STK36: variants seen among roughly 807,000 people sequenced by gnomAD.
STK36 encodes the protein serine/threonine-protein kinase 36.
A neutral mutation model predicts 142.2 loss-of-function variants in STK36; 116 were observed. That is an observed-to-expected ratio of 0.82 (90% CI 0.70 to 0.95). STK36 has a LOEUF of 0.95. Among genes scored for constraint, STK36 ranks in the 40% least tolerant of loss-of-function variants. STK36 has a pLI of 0.00. For missense variants in STK36, 1,422 were observed against 1,617.2 expected (o/e 0.88, Z 2.07); for synonymous variants, 619 against 641.7 (o/e 0.96, Z 0.53).
intron 22 of STK36, 135 bp downstream of exon 22, chr2:218,696,736 A>C (rs867472863): frequency 1.9e-6 from 2 of 1,038,918 alleles, no homozygotes; most frequent in Admixed American, 1.7e-5. Context: ...ATAGCCTTGG[A>C]ACTTCCCCGC....
At chr2:218,696,496 C>A in intron 21 of STK36, 31 bp from the exon 22 acceptor site, 1 of 1,602,990 alleles carries the variant, frequency 6.2e-7, no homozygotes, top group Non-Finnish European at 8.5e-7. Flanking sequence ...TCCTCTTAGG[C>A]ACCTGCATTC....
At position 218,699,220 on chromosome 2, in the gene STK36, G is replaced by C. The variant is rs1470368244; in HGVS notation, c.3676G>C (p.Glu1226Gln). 1.9e-6 allele frequency: 3 copies of C among 1,613,922 alleles called. No individual in the cohort carries two copies. The African/African-American group carries it at 4.0e-5, about 22-fold the overall frequency. Reference protein sequence around the residue: ...LGNLGPEGLGEELLQCEVPQR... With the variant: ...LGNLGPEGLGQELLQCEVPQR... ...CAACTTGGGACCTGAAGGTTTGGGA[G>C]AGGAGCTGTTACAGTGCGAAGTACC... Residue 1226 changes from glutamate (E) to glutamine (Q), a missense_variant, in exon 26 of 27, where the codon GAG becomes CAG. By Grantham distance (29) the Glu-to-Gln change is conservative (BLOSUM62 2). Coordinates refer to ENST00000295709, the MANE Select transcript of STK36 (RefSeq NM_015690.5).
At chr2:218,672,558 C>T (rs146533500) in intron 1 of STK36, 183 bp from the exon 2 acceptor site, 56 of 413,986 alleles carry the variant, frequency 1.4e-4, no homozygotes, top group African/African-American at 1.1e-3. Context: ...GTTAGTTGGG[C>T]ATGGGGCCGG....
In STK36 at chr2:218,693,934, C is replaced by T. The variant is rs1018159339; in HGVS notation, c.2287C>T (p.Leu763Phe). The change falls in exon 19 of 27, where the codon CTC becomes TTC. Residue 763 changes from leucine (L) to phenylalanine (F), a missense_variant. This residue lies in a region of STK36 where 962 missense variants were observed against 1,167.5 expected (regional missense o/e 0.82). Transcript: ENST00000295709. Reference protein sequence around the residue: ...VDWEESTEVTLYFLSLLVFRL... With the variant: ...VDWEESTEVTFYFLSLLVFRL... ...TTGGGAAGAGTCTACTGAAGTGACA[C>T]TCTACTTCCTCTCCCTTCTTGTCTT... 4 of 1,614,124 alleles carry T rather than the reference C, an allele frequency of 2.5e-6. No individual in the cohort carries two copies. The African/African-American group carries it at 4.0e-5, about 16-fold the overall frequency.
At chr2:218,685,965 T>A (rs1940757191) in intron 11 of STK36, among the ~76,000 whole-genome samples, 2 of 152,008 alleles carry the variant, frequency 1.3e-5, no homozygotes, top group African/African-American at 4.8e-5. Context: ...TGAGACGGAA[T>A]CTCACTCTGT....
At chr2:218,696,399 C>T in intron 21 of STK36, 128 bp from the exon 22 acceptor site, 1 of 762,914 alleles carries the variant, frequency 1.3e-6, no homozygotes, top group East Asian at 2.5e-5. Flanking sequence ...CCCCCAGGCC[C>T]CATATATTCT....
intron 14 of STK36, among the ~76,000 whole-genome samples, chr2:218,690,879 A>G (rs1432873122): frequency 2.0e-5 from 3 of 152,254 alleles, no homozygotes; most frequent in South Asian, 2.1e-4. Context: ...TATTTGGAGT[A>G]TCATAGAAGA....
chr2:218,680,625 T>G lies in STK36; in HGVS notation c.1159T>G (p.Cys387Gly). 1 of 1,613,470 alleles carries G rather than the reference T, an allele frequency of 6.2e-7. No individual in the cohort carries two copies. Among genetic ancestry groups the G allele is most frequent in the Non-Finnish European group, 8.5e-7 (1 of 1,179,844 alleles). The change falls in exon 10 of 27, where the codon TGT becomes GGT. Residue 387 changes from cysteine to glycine, a missense_variant. Physicochemically the swap from Cys to Gly is radical, Grantham distance 159. Around this residue, in one of 2 missense-constraint regions of STK36, gnomAD observed 962 missense variants for 1,167.5 expected, o/e 0.82. Transcript: ENST00000295709. ...CAGGGAAAACCGGACCACCCCAGAT[T>G]GTGAACGAGCATTCCCAGAGGAGAG... ...APRENRTTPD[C>G]ERAFPEERPE...
intron 5 of STK36, 141 bp from the exon 6 acceptor site, chr2:218,675,888 G>T: frequency 1.9e-6 from 2 of 1,056,138 alleles, no homozygotes; most frequent in Non-Finnish European, 1.4e-6. Context: ...GGAGCTAGAG[G>T]CTGGGACTGC....
intron 16 of STK36, 118 bp from the exon 17 acceptor site, chr2:218,693,122 G>A: frequency 1.2e-6 from 1 of 849,606 alleles, no homozygotes; most frequent in Non-Finnish European, 1.9e-6. Flanking sequence ...TGAGGTTTCT[G>A]GTGAATGTGG....
intron 12 of STK36, 109 bp downstream of exon 12, chr2:218,688,985 C>T: frequency 8.8e-7 from 1 of 1,141,956 alleles, no homozygotes; most frequent in South Asian, 1.7e-5. Context: ...TATTTTCTTT[C>T]CTCCTCTTTC....
rs1941239008 is a variant in STK36 at position 218,696,525 on chromosome 2, A to T, written c.2512-2A>T. On this transcript the variant is annotated splice_acceptor_variant, in intron 21 of 26. Coordinates refer to ENST00000295709, the MANE Select transcript of STK36 (RefSeq NM_015690.5). LOFTEE classifies it high-confidence loss of function. ...TGCATTCTTCATGTTTCTCTCTGAC[A>T]GGTTCGGTTGACTCCACCAGGTAGT... The T allele has an allele frequency of 6.2e-7, 1 of 1,614,010 alleles. No homozygotes were observed. Among genetic ancestry groups the T allele is most frequent in the Non-Finnish European group, 8.5e-7 (1 of 1,179,910 alleles).
chr2:218,685,248 T>G lies in STK36; in HGVS notation c.1380+20T>G. On this transcript the variant is annotated intron_variant, in intron 11 of 26. Transcript: ENST00000295709. ...GGGCAGGTAATGGGGAGAAAGACACTGTGGATGGGATCAAGACTGTTTTCA... is the reference window on the plus strand; with the variant it reads ...GGGCAGGTAATGGGGAGAAAGACACGGTGGATGGGATCAAGACTGTTTTCA... 6.2e-7 allele frequency: 1 copy of G among 1,614,058 alleles called. No homozygotes were observed. The highest frequency in any genetic ancestry group is 8.5e-7 in the Non-Finnish European group (1 of 1,179,948).
chr2:218,699,235 T>G lies in STK36; in HGVS notation c.3691T>G (p.Cys1231Gly), dbSNP rs73079079. The change falls in exon 26 of 27, where the codon TGC becomes GGC. Residue 1231 changes from cysteine (C) to glycine (G), a missense_variant. Transcript: ENST00000295709. ...AGGTTTGGGAGAGGAGCTGTTACAG[T>G]GCGAAGTACCCCAGCGGCTCCTAGA... ...PEGLGEELLQCEVPQRLLEMA... is the reference protein window; with the variant it reads ...PEGLGEELLQGEVPQRLLEMA... 18,273 of 1,613,774 alleles carry G rather than the reference T, an allele frequency of 0.011. 1,742 individuals are homozygous for G. In the African/African-American group the frequency reaches 0.21, roughly 19 times the overall value.
intron 17 of STK36, 57 bp from the exon 18 acceptor site, chr2:218,693,666 A>G: frequency 2.0e-6 from 3 of 1,530,194 alleles, no homozygotes; most frequent in Non-Finnish European, 2.7e-6. Context: ...TGAGCCTTCA[A>G]TCTTGGAGCC....
intron 17 of STK36, 21 bp from the exon 18 acceptor site, chr2:218,693,702 G>A: frequency 1.2e-6 from 2 of 1,610,414 alleles, no homozygotes; most frequent in Non-Finnish European, 8.5e-7. Flanking sequence ...CTCACTGCCA[G>A]ACTCCTTCCT....
chr2:218,698,581 T>G (rs370607267), intron 25 of STK36, 21 bp from the exon 26 acceptor site: 3 of 1,607,504 alleles, frequency 1.9e-6, no homozygotes, highest in Non-Finnish European at 2.6e-6. Flanking sequence ...CCCTGAATCC[T>G]TTTACCTCCT....
intron 25 of STK36, 93 bp downstream of exon 25, chr2:218,698,094 C>A: frequency 6.5e-7 from 1 of 1,532,248 alleles, no homozygotes; most frequent in Non-Finnish European, 8.9e-7. Context: ...CTCTTCTAGG[C>A]CCCTGTAAGC....
At chr2:218,672,354 C>T (rs1222204780) in intron 1 of STK36, 139 bp downstream of exon 1, 3 of 326,246 alleles carry the variant, frequency 9.2e-6, no homozygotes, top group Admixed American at 4.6e-5. Flanking sequence ...GCTTGGAGCT[C>T]CTAGGCTGGG....
Sources: allele counts gnomAD v4.1 joint callset (sites outside exome capture counted in the v4.1 genomes callset), GRCh38; gene constraint gnomAD v4.1.1; regional missense constraint gnomAD v4.1.1; transcripts MANE v1.5; gene names NCBI Gene and HGNC (gene_info 2026-07-23, HGNC 2026-07-21).